Variants in DOCK11 observed in about 807,000 individuals in gnomAD.
The protein encoded by DOCK11 is dedicator of cytokinesis protein 11.
A neutral mutation model predicts 169.1 loss-of-function variants in DOCK11; 70 were observed. That is an observed-to-expected ratio of 0.41 (90% CI 0.34 to 0.51). The LOEUF is 0.51. DOCK11 is among the 20% of genes least tolerant of loss of function. The pLI is 0.10. For missense variants in DOCK11, 1,166 were observed against 1,538.8 expected (o/e 0.76, Z 4.05); for synonymous variants, 529 against 541.3 (o/e 0.98, Z 0.32).
At chrX:118,590,103 T>G in intron 18 of DOCK11, 107 bp from the exon 19 acceptor site, 1 of 631,462 alleles carries the variant, frequency 1.6e-6, no homozygotes, top group Non-Finnish European at 2.5e-6. Flanking sequence ...CCAGGTGGGC[T>G]TGGCCATGGC....
At chrX:118,655,426 C>T (rs764865466) in intron 44 of DOCK11, among the ~76,000 whole-genome samples, 1 of 112,097 alleles carries the variant, frequency 8.9e-6, no homozygotes, top group South Asian at 3.8e-4. Flanking sequence ...TCTCAAGGCT[C>T]AAGTCGGGAT....
intron 31 of DOCK11, among the ~76,000 whole-genome samples, chrX:118,624,201 C>T (rs2015042351): frequency 8.9e-6 from 1 of 112,887 alleles, no homozygotes; most frequent in Admixed American, 9.4e-5. Flanking sequence ...AGACACTGTC[C>T]CTGCTCTCAT....
intron 36 of DOCK11, among the ~76,000 whole-genome samples, chrX:118,637,613 G>T (rs2015424192): frequency 9.0e-6 from 1 of 110,845 alleles, no homozygotes; most frequent in Non-Finnish European, 1.9e-5. Flanking sequence ...TAAAACATTA[G>T]CTGGGCATGG....
At chrX:118,505,307 G>A (rs1008721085) in intron 1 of DOCK11, among the ~76,000 whole-genome samples, 6 of 112,399 alleles carry the variant, frequency 5.3e-5, no homozygotes, top group Non-Finnish European at 1.1e-4. Context: ...GATTACAGGC[G>A]TGAGACACCA....
chrX:118,663,575 A>T (rs2016269113), intron 45 of DOCK11, among the ~76,000 whole-genome samples: 1 of 110,379 alleles, frequency 9.1e-6, no homozygotes, highest in Non-Finnish European at 1.9e-5. Context: ...TGGCTATAGC[A>T]GTAGGTTCCC....
At chrX:118,627,234 C>T (rs757391715) in intron 32 of DOCK11, among the ~76,000 whole-genome samples, 9 of 110,506 alleles carry the variant, frequency 8.1e-5, no homozygotes, top group Non-Finnish European at 1.3e-4. Flanking sequence ...TCTCAGAAAA[C>T]GAAAACAAAA....
At chrX:118,517,771 A>G (rs2057699408) in intron 1 of DOCK11, among the ~76,000 whole-genome samples, 1 of 111,947 alleles carries the variant, frequency 8.9e-6, no homozygotes, top group Non-Finnish European at 1.9e-5. Context: ...TATCTTCTTA[A>G]GTATTATTCC....
chrX:118,534,891 A>G (rs1252898033), intron 1 of DOCK11, among the ~76,000 whole-genome samples: 2 of 111,257 alleles, frequency 1.8e-5, no homozygotes, highest in African/African-American at 6.5e-5. Flanking sequence ...TTTGATTCTT[A>G]ACCACTTGAA....
In DOCK11 at chrX:118,595,161, G is replaced by C. The variant is rs200355692; in HGVS notation, c.2263+1824G>C. The stretch of plus-strand genomic sequence containing the variant: ...TGGGCAAGGCAAGTAGAAGCAGGAA[G>C]AGGAAGAAAGGAACACCAGTTAGAG... On this transcript the variant is annotated intron_variant, in intron 20 of 52. Transcript: ENST00000276202. Among the ~76,000 whole-genome samples the C allele has an allele frequency of 9.0e-5, 10 of 111,520 alleles. No individual in the cohort carries two copies. The South Asian group carries it at 1.9e-3, about 21-fold the overall frequency.
Position 118,559,014 on chromosome X carries a change from T to A in DOCK11, c.559-2369T>A, listed in dbSNP as rs777201959. ...AAGACTTTCAGGCAACTGCTCTTTC[T>A]GAGTGCTCTTTCAGGCATCATATTC... On this transcript the variant is annotated intron_variant, in intron 6 of 52. Coordinates refer to ENST00000276202, the MANE Select transcript of DOCK11 (RefSeq NM_144658.4). 3.6e-5 allele frequency among the ~76,000 whole-genome samples: 4 copies of A among 112,347 alleles called. No individual in the cohort carries two copies. In the South Asian group the frequency reaches 1.5e-3, roughly 41 times the overall value.
chrX:118,683,017 A>T (rs772521724), intron 51 of DOCK11, 62 bp from the exon 52 acceptor site: 43 of 1,084,171 alleles, frequency 4.0e-5, no homozygotes, highest in Non-Finnish European at 5.0e-5. Flanking sequence ...TATCAAATGG[A>T]TTGTCAGTGA....
At chrX:118,647,832 A>G (rs1171106203) in intron 40 of DOCK11, among the ~76,000 whole-genome samples, 1 of 53,767 alleles carries the variant, frequency 1.9e-5, no homozygotes, top group Non-Finnish European at 2.9e-5. Flanking sequence ...TTATAATATA[A>G]TATTTAATAT....
chrX:118,645,948 C>T (rs1246404885), intron 40 of DOCK11, among the ~76,000 whole-genome samples: 7 of 101,754 alleles, frequency 6.9e-5, no homozygotes, highest in African/African-American at 1.8e-4. Flanking sequence ...CCCAGCTACA[C>T]GGGAGGCTGA....
intron 24 of DOCK11, among the ~76,000 whole-genome samples, chrX:118,607,184 T>G (rs2014542270): frequency 1.0e-5 from 1 of 98,584 alleles, no homozygotes; most frequent in South Asian, 5.2e-4. Flanking sequence ...GGTGCAATCT[T>G]GGCTCACTGC....
At chrX:118,621,141 C>T (rs2014960899) in intron 31 of DOCK11, among the ~76,000 whole-genome samples, 1 of 112,676 alleles carries the variant, frequency 8.9e-6, no homozygotes, top group Non-Finnish European at 1.9e-5. Context: ...CCTTATTACT[C>T]TTTCAATGAC....
intron 49 of DOCK11, 146 bp downstream of exon 49, chrX:118,680,838 C>T: frequency 1.7e-6 from 1 of 584,080 alleles, no homozygotes; most frequent in African/African-American, 2.3e-5. Flanking sequence ...CAAGCACGTC[C>T]ATGTGATAAA....
chrX:118,654,881 CTT>C, intron 43 of DOCK11, 21 bp from the exon 44 acceptor site: 1 of 1,207,718 alleles, frequency 8.3e-7, no homozygotes, highest in Non-Finnish European at 1.1e-6. Flanking sequence ...TCTGACAGTT[CTT>C]TCTCTGTCAT....
chrX:118,666,766 T>C (rs933286201), intron 45 of DOCK11, among the ~76,000 whole-genome samples: 8 of 111,925 alleles, frequency 7.1e-5, no homozygotes, highest in African/African-American at 2.6e-4. Flanking sequence ...AAGATATATG[T>C]TTAACTTTTA....
At chrX:118,584,709 A>AAG in intron 14 of DOCK11, 26 bp from the exon 15 acceptor site, 1 of 1,107,934 alleles carries the variant, frequency 9.0e-7, no homozygotes, top group South Asian at 2.5e-5. Context: ...TTTTTTTTTA[A>AAG]AAAAATGCTT....
Sources: gnomAD v4.1 joint callset for allele counts (sites outside exome capture counted in the v4.1 genomes callset) on GRCh38, gnomAD v4.1.1 for gene constraint, MANE v1.5 for transcripts, NCBI Gene and HGNC (gene_info 2026-07-23, HGNC 2026-07-21) for gene names.